Variants in IPO13 observed in about 807,000 individuals in gnomAD.
The protein encoded by IPO13 is importin-13.
A neutral mutation model predicts 115.5 loss-of-function variants in IPO13; 28 were observed. That is an observed-to-expected ratio of 0.24 (90% CI 0.18 to 0.33). IPO13 has a LOEUF of 0.33. Among genes scored for constraint, IPO13 ranks in the 10% least tolerant of loss-of-function variants. The pLI, the probability that IPO13 is intolerant of heterozygous loss-of-function variation, is 1.00. For missense variants in IPO13, 785 were observed against 1,204.6 expected (o/e 0.65, Z 5.16); for synonymous variants, 414 against 478.9 (o/e 0.86, Z 1.77).
At chr1:43,964,199 A>G in intron 14 of IPO13, 70 bp from the exon 15 acceptor site, 1 of 1,071,530 alleles carries the variant, frequency 9.3e-7, no homozygotes, top group Non-Finnish European at 1.4e-6. Flanking sequence ...TCTCAGTCCC[A>G]CATAACTATA....
Position 43,947,036 on chromosome 1 carries a change from G to A in IPO13, c.-565G>A, listed in dbSNP as rs2085171215. 1 of 398,604 alleles carries A rather than the reference G, an allele frequency of 2.5e-6. No individual in the cohort carries two copies. The highest frequency in any genetic ancestry group is 4.4e-6 in the Non-Finnish European group (1 of 226,114). The allele number at this position is 398,604 out of a possible 1,614,324, so 24.7% of individuals were successfully genotyped here. Reference sequence around the variant, plus strand: ...GAGCACAGCGCGGGCCAGGCCGAACGGAAGGGACCTGCCACAGCCCCTCAA... The same window carrying A: ...GAGCACAGCGCGGGCCAGGCCGAACAGAAGGGACCTGCCACAGCCCCTCAA... On this transcript the variant is annotated 5_prime_UTR_variant, in exon 1 of 20. Transcript: ENST00000372343.
chr1:43,958,888 C>T lies in IPO13; in HGVS notation c.2027C>T (p.Pro676Leu). The change falls in exon 11 of 20, where the codon CCC (proline) becomes CTC (leucine). Residue 676 changes from proline to leucine, a missense_variant and splice_region_variant. Physicochemically the swap from Pro to Leu is moderately conservative, Grantham distance 98. Transcript: ENST00000372343. This position sits in a 1 kb window ranked among gnomAD's most constrained non-coding sequence, Gnocchi z 6.3. Reference protein sequence around the residue: ...RKLPVPQGPNPVVVVLQQVFQ... With the variant: ...RKLPVPQGPNLVVVVLQQVFQ... ...CTGCCAGTGCCACAGGGACCCAACC[C>T]CGTGGGTGACATTTGCCCACGGCAA... 1 of 1,613,720 alleles carries T rather than the reference C, an allele frequency of 6.2e-7. No individual in the cohort carries two copies. The highest frequency in any genetic ancestry group is 1.1e-5 in the South Asian group (1 of 91,068).
rs772628587 is a variant in IPO13, at chr1:43,958,273, G to A, written c.1749+5G>A. On this transcript the variant is annotated splice_donor_5th_base_variant and intron_variant, in intron 9 of 19. Transcript: ENST00000372343. The surrounding 1 kb of genome is among the most constrained non-coding windows in gnomAD (Gnocchi z 6.3). ...CTGATGAAACAGATCCACAAGGTGC[G>A]GCTCAAAAGTTTCTAGGGGTCTCCT... 1.9e-6 allele frequency: 3 copies of A among 1,614,118 alleles called. No individual in the cohort carries two copies. Among genetic ancestry groups the A allele is most frequent in the Non-Finnish European group, 2.5e-6 (3 of 1,180,022 alleles).
In IPO13 at chr1:43,967,447, G is replaced by C. The variant is rs138055744; in HGVS notation, c.2746G>C (p.Ala916Pro). ...CCTGCAGCCACCTGGTTTCCCCTCT[G>C]CCCGCCTCAGCCCTGAACAGAAGGA... is the stretch of plus-strand genomic sequence containing the variant. ...EALQPPGFPS[A>P]RLSPEQKDTF... Residue 916 changes from alanine to proline, a missense_variant, in exon 19 of 20, where the codon GCC (alanine) becomes CCC (proline). Transcript: ENST00000372343. This position sits in a 1 kb window ranked among gnomAD's most constrained non-coding sequence, Gnocchi z 6.1. The C allele has an allele frequency of 8.9e-5, 144 of 1,614,142 alleles. 1 individual carries two copies. The African/African-American group carries it at 1.6e-3, about 18-fold the overall frequency.
intron 14 of IPO13, among the ~76,000 whole-genome samples, chr1:43,962,961 C>CCTTGG (rs2154302374): frequency 6.6e-6 from 1 of 152,354 alleles, no homozygotes; most frequent in East Asian, 1.9e-4. Flanking sequence ...GGAGGGCTCC[C>CCTTGG]TGCCCTTGGA....
intron 15 of IPO13, among the ~76,000 whole-genome samples, chr1:43,965,567 CAG>C (rs2154302445): frequency 6.6e-6 from 1 of 152,010 alleles, no homozygotes; most frequent in South Asian, 2.1e-4. Flanking sequence ...GAAGAGTGCA[CAG>C]GGGGACTGTG....
chr1:43,954,904 T>G (rs1044740255), intron 2 of IPO13, among the ~76,000 whole-genome samples: 2 of 152,220 alleles, frequency 1.3e-5, no homozygotes, highest in Non-Finnish European at 2.9e-5. Flanking sequence ...TGCTTCTGCC[T>G]GCATAACCTA....
chr1:43,957,581 C>T, intron 7 of IPO13, 32 bp downstream of exon 7: 2 of 1,611,448 alleles, frequency 1.2e-6, no homozygotes, highest in East Asian at 2.2e-5. Context: ...TGACCATATT[C>T]CCAGAGCCAC....
At position 43,949,440 on chromosome 1, in the gene IPO13, T is replaced by A; in HGVS notation, c.108T>A (p.Asp36Glu). ...VEKALHQLYYDPNIENKNLAQ... is the reference protein window; with the variant it reads ...VEKALHQLYYEPNIENKNLAQ... ...AGGCGCTGCACCAGCTCTACTATGA[T>A]CCCAACATTGAGAATAAGAACCTGG... The change falls in exon 2 of 20, where the codon GAT becomes GAA. Residue 36 changes from aspartate (D) to glutamate (E), a missense_variant. By Grantham distance (45) the Asp-to-Glu change is conservative (BLOSUM62 2). Around this residue, in one of 3 missense-constraint regions of IPO13, gnomAD observed 325 missense variants for 449.8 expected, o/e 0.72. Coordinates refer to ENST00000372343, the MANE Select transcript of IPO13 (RefSeq NM_014652.4). 6.2e-7 allele frequency: 1 copy of A among 1,611,184 alleles called. No individual in the cohort carries two copies. The highest frequency in any genetic ancestry group is 8.5e-7 in the Non-Finnish European group (1 of 1,178,228).
Position 43,964,350 on chromosome 1 carries a change from C to T in IPO13, c.2397+29C>T, listed in dbSNP as rs771387282. 4 of 1,509,780 alleles carry T rather than the reference C, an allele frequency of 2.6e-6. No individual in the cohort carries two copies. The South Asian group carries it at 3.5e-5, about 13-fold the overall frequency. The allele number at this position is 1,509,780 out of a possible 1,614,324, so 93.5% of individuals were successfully genotyped here. On this transcript the variant is annotated intron_variant, in intron 15 of 19. Transcript: ENST00000372343. ...TGTTTTAGTTTTATTCATTCACGTTCTGTTCTCTCTCTTTCTCTTTCTCTT... is the reference window on the plus strand; with the variant it reads ...TGTTTTAGTTTTATTCATTCACGTTTTGTTCTCTCTCTTTCTCTTTCTCTT...
In IPO13 at chr1:43,960,597, A is replaced by G. The variant is rs1008977204; in HGVS notation, c.2109+268A>G. Among the ~76,000 whole-genome samples, 9 of 152,122 alleles carry G rather than the reference A, an allele frequency of 5.9e-5. No homozygotes were observed. The South Asian group carries it at 1.5e-3, about 25-fold the overall frequency. On this transcript the variant is annotated intron_variant, in intron 12 of 19. Coordinates refer to ENST00000372343, the MANE Select transcript of IPO13 (RefSeq NM_014652.4). Reference sequence around the variant, plus strand: ...AAGACCTGCCTTTGGTCCCTTTTCAATTCAGGTTTTTGTTGCTGTTGCTGC... The same window carrying G: ...AAGACCTGCCTTTGGTCCCTTTTCAGTTCAGGTTTTTGTTGCTGTTGCTGC...
chr1:43,963,780 T>A (rs2085304646), intron 14 of IPO13, among the ~76,000 whole-genome samples: 1 of 152,220 alleles, frequency 6.6e-6, no homozygotes, highest in South Asian at 2.1e-4. Flanking sequence ...TCTGATGCCC[T>A]GGCCTTTCTA....
intron 13 of IPO13, 45 bp downstream of exon 13, chr1:43,961,058 T>C (rs781268830): frequency 1.2e-6 from 2 of 1,611,388 alleles, no homozygotes; most frequent in East Asian, 2.2e-5. Context: ...TGGGTGGGGG[T>C]GGGTCAGATG....
rs762719926 is a variant in IPO13 at position 43,957,240 on chromosome 1, G to T, written c.1317G>T (p.Gly439=). Reference sequence around the variant, plus strand: ...TCATGTATGTCTATGAGATGTTGGGGGCCGAGCTGCTCAGCAACCTCTATG... The same window carrying T: ...TCATGTATGTCTATGAGATGTTGGGTGCCGAGCTGCTCAGCAACCTCTATG... ...DTLMYVYEML[G]AELLSNLYDK... The change falls in exon 6 of 20, where the codon GGG becomes GGT. Residue 439 remains glycine, a synonymous_variant. Transcript: ENST00000372343. The T allele has an allele frequency of 4.3e-6, 7 of 1,614,046 alleles. No individual in the cohort carries two copies. The South Asian group carries it at 7.7e-5, about 18-fold the overall frequency.
chr1:43,960,805 T>A (rs898232042), intron 12 of IPO13, 71 bp from the exon 13 acceptor site: 6 of 1,576,714 alleles, frequency 3.8e-6, no homozygotes, highest in Non-Finnish European at 5.2e-6. Flanking sequence ...AGGCCCCCTC[T>A]GTGCAGGGCT....
intron 15 of IPO13, among the ~76,000 whole-genome samples, chr1:43,965,690 C>T (rs3791119): frequency 6.8e-6 from 1 of 147,582 alleles, no homozygotes; most frequent in African/African-American, 2.6e-5. Flanking sequence ...TGTATGTTAG[C>T]GGTGTTAGAG....
chr1:43,947,555 C>A lies in IPO13; in HGVS notation c.-46C>A. On this transcript the variant is annotated 5_prime_UTR_variant, in exon 1 of 20. Coordinates refer to ENST00000372343, the MANE Select transcript of IPO13 (RefSeq NM_014652.4). ...GGGGCCAGCAGCCAAGGGGCTGGGG[C>A]AGGAGACAGATCAGGGCCCACCTCC... 2 of 1,106,656 alleles carry A rather than the reference C, an allele frequency of 1.8e-6. No homozygotes were observed. Among genetic ancestry groups the A allele is most frequent in the Non-Finnish European group, 2.3e-6 (2 of 854,354 alleles). 68.6% of individuals were successfully genotyped at this position (1,106,656 alleles called of 1,614,324 possible). A position where few individuals can be genotyped will look rare whatever the true frequency, so the allele number is the denominator to read the frequency against.
chr1:43,950,139 G>A lies in IPO13; in HGVS notation c.807G>A (p.Gln269=). The A allele has an allele frequency of 1.2e-6, 2 of 1,609,604 alleles. No individual in the cohort carries two copies. Among genetic ancestry groups the A allele is most frequent in the Non-Finnish European group, 1.7e-6 (2 of 1,177,016 alleles). Residue 269 remains glutamine (Q), a synonymous_variant, in exon 2 of 20, where the codon CAG becomes CAA. Coordinates refer to ENST00000372343, the MANE Select transcript of IPO13 (RefSeq NM_014652.4). ...SVEAIVNAIS[Q]PDAQRYVNTL... ...AGGCCATTGTGAATGCCATCTCACAGCCTGATGCCCAGAGGTGAGCTAGTA... is the reference window on the plus strand; with the variant it reads ...AGGCCATTGTGAATGCCATCTCACAACCTGATGCCCAGAGGTGAGCTAGTA...
In IPO13 at chr1:43,957,545, C is replaced by T. The variant is rs1216252583; in HGVS notation, c.1536C>T (p.Thr512=). Residue 512 remains threonine, a synonymous_variant, in exon 7 of 20, where the codon ACC becomes ACT. Coordinates refer to ENST00000372343, the MANE Select transcript of IPO13 (RefSeq NM_014652.4). The part of the protein sequence containing the change: ...NVQLADTVMF[T]IGALSEWLAD... ...AGCTGGCAGACACTGTCATGTTCAC[C>T]ATTGGTGAGACCTGGCACACACCCA... 1.2e-6 allele frequency: 2 copies of T among 1,614,160 alleles called. No individual in the cohort carries two copies. Among genetic ancestry groups the T allele is most frequent in the South Asian group, 2.2e-5 (2 of 91,074 alleles).
Sources: allele counts gnomAD v4.1 joint callset (sites outside exome capture counted in the v4.1 genomes callset), GRCh38; gene constraint gnomAD v4.1.1; regional missense constraint gnomAD v4.1.1; non-coding constraint Gnocchi (gnomAD v3.1); transcripts MANE v1.5; gene names NCBI Gene and HGNC (gene_info 2026-07-23, HGNC 2026-07-21).